POLR1D: variants seen among roughly 807,000 people sequenced by gnomAD.
POLR1D encodes the protein RNA polymerase I and III subunit D.
A neutral mutation model predicts 10.8 loss-of-function variants in POLR1D; 8 were observed. The ratio of observed to expected loss-of-function variants is 0.74; its 90% confidence interval spans 0.43 to 1.33. The LOEUF (loss-of-function observed/expected upper bound fraction) is 1.33, where lower values mean the gene tolerates loss of function less well. Among genes scored for constraint, POLR1D ranks in the 40% most tolerant of loss-of-function variants. The pLI is 0.01. For missense variants in POLR1D, 152 were observed against 161.7 expected (o/e 0.94, Z 0.32); for synonymous variants, 54 against 57.2 (o/e 0.94, Z 0.25).
At chr13:27,636,376 C>T (rs906731852) in intron 1 of POLR1D, among the ~76,000 whole-genome samples, 1 of 152,124 alleles carries the variant, frequency 6.6e-6, no homozygotes, top group African/African-American at 2.4e-5. Flanking sequence ...CAGATGGCCT[C>T]TAACTCTAAC....
rs587777841 is a variant in POLR1D, at chr13:27,623,011, C to G, written c.163C>G (p.Leu55Val). The G allele has an allele frequency of 1.2e-6, 2 of 1,614,090 alleles. No homozygotes were observed. Among genetic ancestry groups the G allele is most frequent in the Non-Finnish European group, 1.7e-6 (2 of 1,179,984 alleles). ...GGAAGACCATACCCTAGGAAATTCTCTACGTTACATGATCATGAAGAACCC... is the reference window on the plus strand; with the variant it reads ...GGAAGACCATACCCTAGGAAATTCTGTACGTTACATGATCATGAAGAACCC... ...HEEDHTLGNS[L>V]RYMIMKNPEV... Residue 55 changes from leucine (L) to valine (V), a missense_variant, in exon 2 of 2, where the codon CTA (leucine) becomes GTA (valine). Transcript: ENST00000302979.
chr13:27,626,787 C>T (rs1956014802), downstream of POLR1D, among the ~76,000 whole-genome samples: 3 of 152,176 alleles, frequency 2.0e-5, no homozygotes, highest in Admixed American at 2.0e-4. Context: ...CTTGCTGGTA[C>T]TTTCTATTTT....
downstream of POLR1D, among the ~76,000 whole-genome samples, chr13:27,624,299 A>C (rs562275610): frequency 6.6e-6 from 1 of 152,250 alleles, no homozygotes; most frequent in East Asian, 1.9e-4. Flanking sequence ...TTGTTTACCC[A>C]CTAAACCAAC....
chr13:27,625,033 G>A (rs997535020), downstream of POLR1D, among the ~76,000 whole-genome samples: 1 of 151,858 alleles, frequency 6.6e-6, no homozygotes, highest in South Asian at 2.1e-4. Context: ...AGAGCTGGCT[G>A]TGCAAAGAGG....
intron 1 of POLR1D, among the ~76,000 whole-genome samples, chr13:27,640,703 C>G (rs1956165313): frequency 6.6e-6 from 1 of 152,134 alleles, no homozygotes; most frequent in Non-Finnish European, 1.5e-5. Context: ...AAATTTGACA[C>G]TGATTCATAG....
rs1955932314 is a variant in POLR1D at position 27,621,901 on chromosome 13, C to T, written c.-83C>T. The T allele has an allele frequency of 6.2e-6, 9 of 1,454,890 alleles. No homozygotes were observed. The highest frequency in any genetic ancestry group is 6.1e-5 in the South Asian group (5 of 82,496). The allele number at this position is 1,454,890 out of a possible 1,614,324, so 90.1% of individuals were successfully genotyped here. A position where few individuals can be genotyped will look rare whatever the true frequency, so the allele number is the denominator to read the frequency against. ...CCTTCCGTCGGTCGGTCCTTGCTTC[C>T]TGCTTCGCCTCCGCGCCTCGCGCTA... On this transcript the variant is annotated 5_prime_UTR_variant, in exon 1 of 2. Coordinates refer to ENST00000302979, the MANE Select transcript of POLR1D (RefSeq NM_015972.4).
At chr13:27,634,704 C>G (rs1165813885) in intron 1 of POLR1D, among the ~76,000 whole-genome samples, 1 of 137,820 alleles carries the variant, frequency 7.3e-6, no homozygotes, top group Non-Finnish European at 1.5e-5. Context: ...GGCACATGGT[C>G]TCACTCTGTC....
chr13:27,655,831 G>T (rs1205168070), intron 2 of POLR1D, among the ~76,000 whole-genome samples: 1 of 142,662 alleles, frequency 7.0e-6, no homozygotes, highest in Non-Finnish European at 1.6e-5. Flanking sequence ...TAGAGACTGG[G>T]GGAAGAAAGA....
At chr13:27,645,678 T>C (rs927102663) in intron 1 of POLR1D, among the ~76,000 whole-genome samples, 1 of 152,166 alleles carries the variant, frequency 6.6e-6, no homozygotes, top group African/African-American at 2.4e-5. Flanking sequence ...AAGCCCCCTT[T>C]ACCAGTGGGA....
exon 3 of POLR1D, chr13:27,666,060 C>T: frequency 3.0e-6 from 3 of 998,174 alleles, no homozygotes; most frequent in Non-Finnish European, 4.5e-6. Context: ...GTGACTTTGA[C>T]ATTAGGTCCT....
chr13:27,645,279 T>A (rs1956209026), intron 1 of POLR1D, among the ~76,000 whole-genome samples: 1 of 152,182 alleles, frequency 6.6e-6, no homozygotes, highest in Non-Finnish European at 1.5e-5. Context: ...ATTTAGTTTA[T>A]TTTTTGCCTT....
At chr13:27,649,206 TA>T (rs1487971615) in intron 2 of POLR1D, among the ~76,000 whole-genome samples, 2 of 152,194 alleles carry the variant, frequency 1.3e-5, no homozygotes, top group Non-Finnish European at 2.9e-5. Context: ...GAGTAAAATG[TA>T]AAAATGTGAA....
At chr13:27,651,550 T>C (rs928165274) in intron 2 of POLR1D, 7 of 152,240 alleles carry the variant, frequency 4.6e-5, no homozygotes, top group Non-Finnish European at 8.8e-5. Flanking sequence ...AATAATCCAA[T>C]GTGAGTCAAC....
chr13:27,641,747 C>T (rs1340314292), intron 1 of POLR1D, among the ~76,000 whole-genome samples: 1 of 152,078 alleles, frequency 6.6e-6, no homozygotes, highest in Non-Finnish European at 1.5e-5. Flanking sequence ...ACAGGGAGAT[C>T]GGGAAAGGCT....
At chr13:27,653,472 G>A (rs998585010) in intron 2 of POLR1D, among the ~76,000 whole-genome samples, 3 of 152,150 alleles carry the variant, frequency 2.0e-5, no homozygotes, top group Non-Finnish European at 4.4e-5. Context: ...GGTGGATCCC[G>A]TGGGAGACTA....
chr13:27,650,303 G>A (rs1956255021), intron 2 of POLR1D: 2 of 370,972 alleles, frequency 5.4e-6, no homozygotes, highest in Non-Finnish European at 9.6e-6. Flanking sequence ...ATGGAATATT[G>A]CCAAGCAAGG....
At position 27,663,400 on chromosome 13, in the gene POLR1D, A is replaced by T. The variant is rs1956383966; in HGVS notation, c.102-2286A>T. 6.6e-6 allele frequency among the ~76,000 whole-genome samples: 1 copy of T among 152,140 alleles called. No homozygotes were observed. ...TCCCAGGCATAACCAACATTAAAAA[A>T]CTGCATCTCTGATGTTAAAAGAGAT... is the stretch of plus-strand genomic sequence containing the variant. On this transcript the variant is annotated intron_variant, in intron 2 of 2. Coordinates refer to the POLR1D transcript ENST00000399697. The surrounding 1 kb of genome is among the most constrained non-coding windows in gnomAD (Gnocchi z 4.1).
At chr13:27,642,884 C>T (rs1177445943) in intron 1 of POLR1D, among the ~76,000 whole-genome samples, 1 of 152,170 alleles carries the variant, frequency 6.6e-6, no homozygotes, top group Non-Finnish European at 1.5e-5. Flanking sequence ...TAAAATACCA[C>T]TTTCATCTAT....
intron 1 of POLR1D, chr13:27,622,454 G>T (rs1156701479): frequency 1.1e-5 from 3 of 282,234 alleles, no homozygotes; most frequent in Non-Finnish European, 2.0e-5. Context: ...CAAAATGGAA[G>T]CCGTAGTTGG....
Sources: allele counts gnomAD v4.1 joint callset (sites outside exome capture counted in the v4.1 genomes callset), GRCh38; gene constraint gnomAD v4.1.1; non-coding constraint Gnocchi (gnomAD v3.1); transcripts MANE v1.5; gene names NCBI Gene and HGNC (gene_info 2026-07-23, HGNC 2026-07-21).